The following DNAJC25 variants were observed in gnomAD, a reference collection of about 807,000 sequenced individuals.
DNAJC25 encodes DnaJ heat shock protein family (Hsp40) member C25.
Under a neutral mutation model 42.1 loss-of-function variants are expected in DNAJC25, and 26 were observed. The ratio of observed to expected loss-of-function variants is 0.62; its 90% CI spans 0.45 to 0.86. The LOEUF (loss-of-function observed/expected upper bound fraction) is 0.86, where lower values mean the gene tolerates loss of function less well. Among genes scored for constraint, DNAJC25 ranks in the 40% least tolerant of loss-of-function variants. The pLI, the probability that DNAJC25 is intolerant of heterozygous loss-of-function variation, is 0.00. For missense variants in DNAJC25, 404 were observed against 459.4 expected (o/e 0.88, Z 1.10); for synonymous variants, 189 against 179.9 (o/e 1.05, Z -0.40).
Position 111,654,053 on chromosome 9 carries a change from T to G in DNAJC25, c.*831T>G, listed in dbSNP as rs1262167676. ...AAAAAAAATAGCAAGGCAGAAATAG[T>G]GTATTGAAAAGTTGTTCATCTATTA... On this transcript the variant is annotated 3_prime_UTR_variant, in exon 4 of 4. Transcript: ENST00000313525. The G allele has an allele frequency of 2.0e-5, 3 of 151,808 alleles. No homozygotes were observed. The highest frequency in any genetic ancestry group is 2.9e-5 in the Non-Finnish European group (2 of 67,936). 9.4% of individuals were successfully genotyped at this position (151,808 alleles called of 1,614,324 possible).
At chr9:111,634,033 G>C (rs567558935) in intron 1 of DNAJC25, among the ~76,000 whole-genome samples, 4 of 152,162 alleles carry the variant, frequency 2.6e-5, no homozygotes, top group Non-Finnish European at 5.9e-5. Flanking sequence ...GGGAATGAGG[G>C]GAGTGTTCTG....
chr9:111,643,565 T>C (rs548291807), intron 1 of DNAJC25, among the ~76,000 whole-genome samples: 1 of 152,194 alleles, frequency 6.6e-6, no homozygotes, highest in South Asian at 2.1e-4. Context: ...GAACATTGTG[T>C]TGGAATAACA....
intron 3 of DNAJC25, among the ~76,000 whole-genome samples, chr9:111,652,220 T>C (rs948940215): frequency 6.6e-6 from 1 of 151,850 alleles, no homozygotes; most frequent in Non-Finnish European, 1.5e-5. Flanking sequence ...AAAAAATTAC[T>C]AGTTCTAGGC....
At chr9:111,631,822 G>T (rs1830285895) in intron 1 of DNAJC25, 79 bp downstream of exon 1, 2 of 1,435,976 alleles carry the variant, frequency 1.4e-6, no homozygotes, top group African/African-American at 1.5e-5. Context: ...GGTCCGCGGA[G>T]CGTGGGCCTC....
At chr9:111,644,438 G>A (rs1019660498) in intron 1 of DNAJC25, among the ~76,000 whole-genome samples, 3 of 152,220 alleles carry the variant, frequency 2.0e-5, no homozygotes, top group South Asian at 2.1e-4. Flanking sequence ...AAAGATCTGA[G>A]TGAAATGTTT....
intron 1 of DNAJC25, among the ~76,000 whole-genome samples, chr9:111,641,625 T>TG (rs1194968029): frequency 1.9e-3 from 145 of 75,296 alleles, no homozygotes; most frequent in African/African-American, 0.011. Context: ...GGGAGGGAGG[T>TG]GGGGGGGTCA....
At chr9:111,632,439 A>G (rs1160325817) in intron 1 of DNAJC25, among the ~76,000 whole-genome samples, 2 of 152,230 alleles carry the variant, frequency 1.3e-5, no homozygotes, top group Admixed American at 6.5e-5. Flanking sequence ...TGACTTGGGT[A>G]CAAAACTCTG....
At chr9:111,648,436 A>AT (rs140652033) in intron 2 of DNAJC25, among the ~76,000 whole-genome samples, 1,487 of 143,392 alleles carry the variant, frequency 0.01, 16 homozygotes, top group African/African-American at 0.018. Flanking sequence ...TAATTTTTGT[A>AT]TTTTTTTTTT....
At chr9:111,633,157 T>C (rs1038076606) in intron 1 of DNAJC25, among the ~76,000 whole-genome samples, 2 of 152,134 alleles carry the variant, frequency 1.3e-5, no homozygotes, top group Admixed American at 1.3e-4. Context: ...CCAACCTCTG[T>C]TCCTTGTAGT....
chr9:111,631,376 C>G lies in DNAJC25; in HGVS notation c.-32C>G, dbSNP rs1335530234. 1.6e-6 allele frequency: 2 copies of G among 1,272,922 alleles called. No individual in the cohort carries two copies. The highest frequency in any genetic ancestry group is 2.0e-6 in the Non-Finnish European group (2 of 1,013,712). 78.9% of individuals were successfully genotyped at this position (1,272,922 alleles called of 1,614,324 possible). On this transcript the variant is annotated 5_prime_UTR_variant, in exon 1 of 4. Coordinates refer to ENST00000313525, the MANE Select transcript of DNAJC25 (RefSeq NM_001015882.3). The stretch of plus-strand genomic sequence containing the variant: ...CGCGCGGCTGAGTGCTGCAGAATCG[C>G]TGGGGTGGCAGAGCCGCCAGCGAGG...
intron 1 of DNAJC25, among the ~76,000 whole-genome samples, chr9:111,642,659 A>G (rs1017634363): frequency 7.0e-6 from 1 of 142,622 alleles, no homozygotes; most frequent in African/African-American, 2.6e-5. Context: ...TAAATGTAAA[A>G]CTAGCTGCAA....
At chr9:111,633,915 C>CAGT (rs1380152081) in intron 1 of DNAJC25, among the ~76,000 whole-genome samples, 1 of 152,120 alleles carries the variant, frequency 6.6e-6, no homozygotes, top group African/African-American at 2.4e-5. Context: ...AGTTAAAGAC[C>CAGT]AGTATGTCTG....
intron 1 of DNAJC25, among the ~76,000 whole-genome samples, chr9:111,640,985 G>C (rs1463515435): frequency 1.1e-5 from 1 of 92,170 alleles, no homozygotes; most frequent in Non-Finnish European, 2.0e-5. Context: ...CAGCCGTGCC[G>C]TCCGGGAGGG....
At chr9:111,650,278 G>A (rs1440575444) in intron 3 of DNAJC25, among the ~76,000 whole-genome samples, 1 of 148,116 alleles carries the variant, frequency 6.8e-6, no homozygotes, top group African/African-American at 2.5e-5. Context: ...TTCCAATACT[G>A]TAAACCTAGC....
intron 1 of DNAJC25, among the ~76,000 whole-genome samples, chr9:111,633,579 G>C (rs1365566946): frequency 6.6e-6 from 1 of 152,188 alleles, no homozygotes; most frequent in Non-Finnish European, 1.5e-5. Context: ...TTCCAGAAGA[G>C]AGGGCAGCAG....
In DNAJC25 at chr9:111,650,790, C is replaced by G. The variant is rs145814283; in HGVS notation, c.960+867C>G. ...GGATTACAGGCATCAGCCACTGCACCCAGCCAAAACCTGCTTAAGAAGTCT... is the reference window on the plus strand; with the variant it reads ...GGATTACAGGCATCAGCCACTGCACGCAGCCAAAACCTGCTTAAGAAGTCT... On this transcript the variant is annotated intron_variant, in intron 3 of 3. Coordinates refer to ENST00000313525, the MANE Select transcript of DNAJC25 (RefSeq NM_001015882.3). Among the ~76,000 whole-genome samples the G allele has an allele frequency of 9.6e-3, 1,462 of 152,148 alleles. 22 individuals are homozygous for G. The highest frequency in any genetic ancestry group is 0.034 in the African/African-American group (1,406 of 41,474).
chr9:111,643,748 A>C (rs1830523485), intron 1 of DNAJC25, among the ~76,000 whole-genome samples: 1 of 152,030 alleles, frequency 6.6e-6, no homozygotes, highest in South Asian at 2.1e-4. Context: ...AAAAAAAAAA[A>C]ATTGTGTGGC....
chr9:111,651,432 G>C (rs915006337), intron 3 of DNAJC25, among the ~76,000 whole-genome samples: 1 of 152,046 alleles, frequency 6.6e-6, no homozygotes, highest in African/African-American at 2.4e-5. Flanking sequence ...GTCTTTCTTA[G>C]GGTGCTATTG....
chr9:111,645,710 G>C (rs1022557360), intron 1 of DNAJC25, among the ~76,000 whole-genome samples: 1 of 152,192 alleles, frequency 6.6e-6, no homozygotes, highest in African/African-American at 2.4e-5. Flanking sequence ...CAGTAGCAAG[G>C]CACTAAGTTT....
Sources: allele counts gnomAD v4.1 joint callset (sites outside exome capture counted in the v4.1 genomes callset), GRCh38; gene constraint gnomAD v4.1.1; transcripts MANE v1.5; gene names NCBI Gene and HGNC (gene_info 2026-07-23, HGNC 2026-07-21).